Variants in UNC93B1 observed in about 807,000 individuals in gnomAD.
The protein encoded by UNC93B1 is protein unc-93 homolog B1.
A neutral mutation model predicts 56.8 loss-of-function variants in UNC93B1; 33 were observed. The observed-to-expected ratio is 0.58, with a 90% CI of 0.44 to 0.78. The LOEUF (loss-of-function observed/expected upper bound fraction) is 0.78, where lower values mean the gene tolerates loss of function less well. Among genes scored for constraint, UNC93B1 ranks in the 30% least tolerant of loss-of-function variants. The pLI is 0.00. For synonymous variants in UNC93B1, 334 were observed against 358.6 expected (o/e 0.93, Z 0.77); for missense variants, 673 against 819.5 (o/e 0.82, Z 2.18).
intron 4 of UNC93B1, 86 bp from the exon 5 acceptor site, chr11:67,999,391 C>T (rs530631916): frequency 1.3e-6 from 2 of 1,552,490 alleles, no homozygotes; most frequent in East Asian, 4.9e-5. Flanking sequence ...AGCAGACCAG[C>T]CCCGGTGTGG....
intron 9 of UNC93B1, 118 bp downstream of exon 9, chr11:67,995,493 T>G (rs986323385): frequency 8.6e-5 from 76 of 885,648 alleles, no homozygotes; most frequent in Admixed American, 8.3e-4. Flanking sequence ...CAGGACCCTA[T>G]GTGACCATGG....
rs1177334476 is a variant in UNC93B1 at position 68,003,440 on chromosome 11, C to T, written c.238+217G>A. The T allele has an allele frequency of 2.5e-5, 21 of 836,204 alleles. No homozygotes were observed. The highest frequency in any genetic ancestry group is 3.7e-5 in the Non-Finnish European group (21 of 573,038). 51.8% of individuals were successfully genotyped at this position (836,204 alleles called of 1,614,324 possible). ...GGCAGGTCTGTCCGGGAGCCCGGAC[C>T]CCCGTCCCCCACCCACACCGAGGCT... is the stretch of plus-strand genomic sequence containing the variant. On this transcript the variant is annotated intron_variant, in intron 2 of 10. Coordinates refer to ENST00000227471, the MANE Select transcript of UNC93B1 (RefSeq NM_030930.4). The surrounding 1 kb of genome is among the most constrained non-coding windows in gnomAD (Gnocchi z 4.4).
At position 68,003,661 on chromosome 11, in the gene UNC93B1, G is replaced by C; in HGVS notation, c.234C>G (p.Tyr78Ter). The change falls in exon 2 of 11, where the codon TAC becomes TAG. Residue 78 changes from tyrosine (Y) to a stop codon, truncating the protein, a stop_gained. Transcript: ENST00000227471. LOFTEE classifies it high-confidence loss of function. The surrounding 1 kb of genome is among the most constrained non-coding windows in gnomAD (Gnocchi z 4.4). ...GGGTCCCCGAGCGGCACCTACCCAG[G>C]TAGACGCCGTAGGTGAGCATGCCCC... Reference protein sequence around the residue: ...SAGGMLTYGVYLGLLQMQLIL... With the variant: ...SAGGMLTYGV 1 of 1,525,672 alleles carries C rather than the reference G, an allele frequency of 6.6e-7. No individual in the cohort carries two copies. Among genetic ancestry groups the C allele is most frequent in the Non-Finnish European group, 8.8e-7 (1 of 1,142,072 alleles). 94.5% of individuals were successfully genotyped at this position (1,525,672 alleles called of 1,614,324 possible).
At chr11:67,993,930 T>C (rs952397718) in intron 9 of UNC93B1, 136 bp from the exon 10 acceptor site, 13 of 706,166 alleles carry the variant, frequency 1.8e-5, no homozygotes, top group African/African-American at 1.4e-4. Flanking sequence ...GAAAGTGCTG[T>C]GAGGCGGTCC....
chr11:68,002,941 T>A, intron 3 of UNC93B1, 81 bp downstream of exon 3: 1 of 1,474,932 alleles, frequency 6.8e-7, no homozygotes. Flanking sequence ...CCCCGGCAGA[T>A]GGACACCTCC....
chr11:68,000,837 G>A (rs1213561292), intron 3 of UNC93B1, among the ~76,000 whole-genome samples: 12 of 152,254 alleles, frequency 7.9e-5, no homozygotes, highest in African/African-American at 2.9e-4. Context: ...TAACACCATG[G>A]TTTCTTCATG....
Position 67,991,221 on chromosome 11 carries a change from T to G in UNC93B1, c.*325A>C. 3.5e-6 allele frequency: 1 copy of G among 282,058 alleles called. No individual in the cohort carries two copies. Among genetic ancestry groups the G allele is most frequent in the Non-Finnish European group, 6.6e-6 (1 of 151,716 alleles). 17.5% of individuals were successfully genotyped at this position (282,058 alleles called of 1,614,324 possible). A position where few individuals can be genotyped will look rare whatever the true frequency, so the allele number is the denominator to read the frequency against. On this transcript the variant is annotated 3_prime_UTR_variant, in exon 11 of 11. Transcript: ENST00000227471. ...GCGGCCCGGGTCCGCGGCCGAGAGC[T>G]GTGGGGATCTGGAGCGGGCCGGGTC...
chr11:67,999,632 G>A lies in UNC93B1; in HGVS notation c.441C>T (p.Ala147=). Residue 147 remains alanine (A), a synonymous_variant, in exon 4 of 11, where the codon GCC becomes GCT. Transcript: ENST00000227471. ...WMMFLAVGIY[A]LFVSTNYWER... is the part of the protein sequence containing the mutation. Reference sequence around the variant, plus strand: ...CCCAGTAGTTGGTGGAGACAAAGAGGGCGTAGATGCCCACAGCGAGGAACA... The same window carrying A: ...CCCAGTAGTTGGTGGAGACAAAGAGAGCGTAGATGCCCACAGCGAGGAACA... 1.2e-6 allele frequency: 2 copies of A among 1,611,538 alleles called. No individual in the cohort carries two copies. The highest frequency in any genetic ancestry group is 4.5e-5 in the East Asian group (2 of 44,802).
At chr11:67,997,503 C>A (rs1856968113) in intron 7 of UNC93B1, 172 bp downstream of exon 7, 1 of 1,174,052 alleles carries the variant, frequency 8.5e-7, no homozygotes, top group Admixed American at 2.6e-5. Flanking sequence ...GCCCGCTCTG[C>A]AGCACTCGGC....
In UNC93B1 at chr11:67,995,840, G is replaced by A. The variant is rs1441702861; in HGVS notation, c.1134C>T (p.Leu378=). 4.5e-6 allele frequency: 7 copies of A among 1,541,306 alleles called. No individual in the cohort carries two copies. Among genetic ancestry groups the A allele is most frequent in the Non-Finnish European group, 6.1e-6 (7 of 1,144,782 alleles). The part of the protein sequence containing the change: ...CSVGLERLAY[L]LVAYSLGASA... Reference sequence around the variant, plus strand: ...AGGCGCCCAGGCTGTAAGCCACGAGGAGGTAAGCCAGCCGCTCCAGCCCCA... The same window carrying A: ...AGGCGCCCAGGCTGTAAGCCACGAGAAGGTAAGCCAGCCGCTCCAGCCCCA... The change falls in exon 9 of 11, where the codon CTC becomes CTT. Residue 378 remains leucine (L), a synonymous_variant. Transcript: ENST00000227471.
rs1857068929 is a variant in UNC93B1, at chr11:68,002,901, C to T, written c.392+121G>A. 2.3e-6 allele frequency: 3 copies of T among 1,323,470 alleles called. No individual in the cohort carries two copies. In the South Asian group the frequency reaches 4.7e-5, roughly 21 times the overall value. The allele number at this position is 1,323,470 out of a possible 1,614,324, so 82.0% of individuals were successfully genotyped here. A position where few individuals can be genotyped will look rare whatever the true frequency, so the allele number is the denominator to read the frequency against. On this transcript the variant is annotated intron_variant, in intron 3 of 10. Coordinates refer to ENST00000227471, the MANE Select transcript of UNC93B1 (RefSeq NM_030930.4). Reference sequence around the variant, plus strand: ...TCTCAGGCTTCCGGGTAGAAAAAAACCTCTCCCTTGTTCCCTCGCCCCACA... The same window carrying T: ...TCTCAGGCTTCCGGGTAGAAAAAAATCTCTCCCTTGTTCCCTCGCCCCACA...
At chr11:67,991,944 T>G (rs1321537577) in intron 10 of UNC93B1, 87 bp from the exon 11 acceptor site, 3 of 1,403,614 alleles carry the variant, frequency 2.1e-6, no homozygotes, top group Non-Finnish European at 1.9e-6. Context: ...GATAGGCCCT[T>G]CCCTCCTCCG....
At chr11:67,994,994 C>T (rs984769733) in intron 9 of UNC93B1, among the ~76,000 whole-genome samples, 1 of 152,198 alleles carries the variant, frequency 6.6e-6, no homozygotes, top group African/African-American at 2.4e-5. Flanking sequence ...CCCCAGCAGC[C>T]CAGACCTGGG....
Position 67,999,194 on chromosome 11 carries a change from G to A in UNC93B1, c.666C>T (p.Ala222=), listed in dbSNP as rs772782644. 4.3e-5 allele frequency: 69 copies of A among 1,613,866 alleles called. No individual in the cohort carries two copies. The South Asian group carries it at 6.9e-4, about 16-fold the overall frequency. ...TCACATGGAAGAAGCTGTAGAAGAT[G>A]GCTTGGAAGACCAGGAGATAGGGCG... ...SHAPYLLVFQ[A]IFYSFFHLSF... The change falls in exon 5 of 11, where the codon GCC becomes GCT. Residue 222 remains alanine (A), a synonymous_variant. Transcript: ENST00000227471.
chr11:67,999,611 G>T lies in UNC93B1; in HGVS notation c.462C>A (p.Tyr154Ter). ...GCACAAGCGTGTAGTAGCGCTCCCAGTAGTTGGTGGAGACAAAGAGGGCGT... is the reference window on the plus strand; with the variant it reads ...GCACAAGCGTGTAGTAGCGCTCCCATTAGTTGGTGGAGACAAAGAGGGCGT... ...GIYALFVSTN[Y>*]WERYYTLVPS... The change falls in exon 4 of 11, where the codon TAC becomes TAA. Residue 154 changes from tyrosine to a stop codon, truncating the protein, a stop_gained. Coordinates refer to ENST00000227471, the MANE Select transcript of UNC93B1 (RefSeq NM_030930.4). LOFTEE classifies it high-confidence loss of function. The T allele has an allele frequency of 6.2e-7, 1 of 1,609,772 alleles. No individual in the cohort carries two copies.
Position 68,004,091 on chromosome 11 carries a change from A to T in UNC93B1, c.-48T>A. 7.9e-7 allele frequency: 1 copy of T among 1,261,216 alleles called. No homozygotes were observed. The highest frequency in any genetic ancestry group is 1.0e-6 in the Non-Finnish European group (1 of 1,001,596). The allele number at this position is 1,261,216 out of a possible 1,614,324, so 78.1% of individuals were successfully genotyped here. On this transcript the variant is annotated 5_prime_UTR_variant, in exon 1 of 11. Coordinates refer to ENST00000227471, the MANE Select transcript of UNC93B1 (RefSeq NM_030930.4). ...CGGCGGTCGCCCCGGAGTCCCTGCG[A>T]CCGCCCGGCCACTTCCTCCCGGCGG... is the stretch of plus-strand genomic sequence containing the variant.
intron 3 of UNC93B1, 128 bp downstream of exon 3, chr11:68,002,894 A>G (rs926819897): frequency 6.3e-6 from 8 of 1,279,046 alleles, no homozygotes; most frequent in Admixed American, 3.3e-5. Flanking sequence ...TTCCGGGTAG[A>G]AAAAAACCTC....
intron 3 of UNC93B1, among the ~76,000 whole-genome samples, chr11:68,001,816 G>A (rs1023605576): frequency 2.0e-5 from 3 of 152,170 alleles, no homozygotes; most frequent in Non-Finnish European, 4.4e-5. Context: ...AACTGTGAAG[G>A]CTGTAGAGTA....
rs527242149 is a variant in UNC93B1 at position 68,004,065 on chromosome 11, G to T, written c.-22C>A. The T allele has an allele frequency of 2.2e-4, 293 of 1,327,208 alleles. 3 individuals carry two copies. The South Asian group carries it at 4.6e-3, about 21-fold the overall frequency. 82.2% of individuals were successfully genotyped at this position (1,327,208 alleles called of 1,614,324 possible). ...CCATGGCCCGAACTACTGCGGACTC[G>T]CGGCGGTCGCCCCGGAGTCCCTGCG... On this transcript the variant is annotated 5_prime_UTR_variant, in exon 1 of 11. Coordinates refer to ENST00000227471, the MANE Select transcript of UNC93B1 (RefSeq NM_030930.4).
Sources: gnomAD v4.1 joint callset for allele counts (sites outside exome capture counted in the v4.1 genomes callset) on GRCh38, gnomAD v4.1.1 for gene constraint, Gnocchi (gnomAD v3.1) non-coding constraint, MANE v1.5 for transcripts, NCBI Gene and HGNC (gene_info 2026-07-23, HGNC 2026-07-21) for gene names.